The following SESN3 variants were observed in gnomAD, a reference collection of about 807,000 sequenced individuals.
SESN3 encodes sestrin 3, also known as sestrin-3.
Under a neutral mutation model 55.3 loss-of-function variants are expected in SESN3, and 21 were observed. The observed-to-expected ratio is 0.38, with a 90% CI of 0.27 to 0.55. The LOEUF (loss-of-function observed/expected upper bound fraction) is 0.55. Ranked by LOEUF, SESN3 falls within the 20% of genes least tolerant of loss-of-function variation. The pLI is 0.76. For missense variants in SESN3, 408 were observed against 604.3 expected, an observed-to-expected ratio of 0.68 and a Z score of 3.41; for synonymous variants, 181 against 203.1, an observed-to-expected ratio of 0.89 and a Z score of 0.93.
At chr11:95,189,578 A>G (rs915866668) in intron 4 of SESN3, among the ~76,000 whole-genome samples, 1 of 151,932 alleles carries the variant, frequency 6.6e-6, no homozygotes, top group Admixed American at 6.6e-5. Flanking sequence ...TCTCATAGCC[A>G]TTCACCAAAC....
chr11:95,226,794 T>G (rs1199873984), intron 1 of SESN3, among the ~76,000 whole-genome samples: 1 of 152,236 alleles, frequency 6.6e-6, no homozygotes, highest in Admixed American at 6.5e-5. Flanking sequence ...TAAAATTATG[T>G]GTACATATTT....
chr11:95,209,267 G>C (rs1005232607), intron 1 of SESN3, among the ~76,000 whole-genome samples: 1 of 151,356 alleles, frequency 6.6e-6, no homozygotes, highest in Non-Finnish European at 1.5e-5. Flanking sequence ...GATATGAACA[G>C]ACACTTCTCA....
chr11:95,224,530 G>A, intron 1 of SESN3: 1 of 404,220 alleles, frequency 2.5e-6, no homozygotes, highest in East Asian at 7.4e-5. Flanking sequence ...TTTCTCTGTT[G>A]GTCAATTGAA....
Position 95,230,735 on chromosome 11 carries a change from C to T in SESN3, c.78+48G>A. On this transcript the variant is annotated intron_variant, in intron 1 of 9. Transcript: ENST00000536441. The surrounding 1 kb of genome is among the most constrained non-coding windows in gnomAD (Gnocchi z 4.6). ...CGGGGACGAGCCGCCCGAGCCCCGG[C>T]CGGCAGGAAGCGACCCTCGCCGGCA... is the stretch of plus-strand genomic sequence containing the variant. 2 of 1,464,532 alleles carry T rather than the reference C, an allele frequency of 1.4e-6. No homozygotes were observed. Among genetic ancestry groups the T allele is most frequent in the South Asian group, 2.3e-5 (2 of 86,466 alleles). The allele number at this position is 1,464,532 out of a possible 1,614,324, so 90.7% of individuals were successfully genotyped here.
chr11:95,209,309 T>C (rs998512770), intron 1 of SESN3, among the ~76,000 whole-genome samples: 2 of 151,030 alleles, frequency 1.3e-5, no homozygotes, highest in African/African-American at 2.4e-5. Flanking sequence ...AACAAACATA[T>C]GAAAAAAAAG....
rs893847237 is a variant in SESN3 at position 95,197,849 on chromosome 11, CT to C, written c.79-4328del. Among the ~76,000 whole-genome samples the C allele has an allele frequency of 2.6e-5, 4 of 152,220 alleles. No homozygotes were observed. The East Asian group carries it at 5.8e-4, about 22-fold the overall frequency. On this transcript the variant is annotated intron_variant, in intron 1 of 9. Coordinates refer to ENST00000536441, the MANE Select transcript of SESN3 (RefSeq NM_144665.4). ...CAACCCATGCAACTGCCTCCTGAATCTTTTTTATCTAGAGAACTCGCTAGCT... is the reference window on the plus strand; with the variant it reads ...CAACCCATGCAACTGCCTCCTGAATCTTTTTATCTAGAGAACTCGCTAGCT...
chr11:95,221,966 G>A (rs1860866468), intron 1 of SESN3, among the ~76,000 whole-genome samples: 1 of 152,196 alleles, frequency 6.6e-6, no homozygotes, highest in African/African-American at 2.4e-5. Context: ...GGGGTTCATA[G>A]CTGGTTTGGG....
intron 9 of SESN3, 97 bp from the exon 10 acceptor site, chr11:95,173,438 T>C: frequency 1.6e-6 from 1 of 613,582 alleles, no homozygotes; most frequent in Non-Finnish European, 3.1e-6. Flanking sequence ...ATATAAGCAA[T>C]ATACACACAC....
In SESN3 at chr11:95,167,520, A is replaced by C. The variant is rs1859773096; in HGVS notation, c.*5735T>G. ...CTGTACTTCATGGTGGTACAGTCAT[A>C]ATTAGGTTAAAGCTAAAATGAACAC... On this transcript the variant is annotated 3_prime_UTR_variant, in exon 10 of 10. Coordinates refer to ENST00000536441, the MANE Select transcript of SESN3 (RefSeq NM_144665.4). The C allele has an allele frequency of 6.6e-6, 1 of 151,804 alleles. No individual in the cohort carries two copies. Among genetic ancestry groups the C allele is most frequent in the South Asian group, 2.1e-4 (1 of 4,836 alleles). The allele number at this position is 151,804 out of a possible 1,614,324, so 9.4% of individuals were successfully genotyped here.
At chr11:95,200,926 T>G (rs1235197291) in intron 1 of SESN3, 1 of 152,110 alleles carries the variant, frequency 6.6e-6, no homozygotes, top group East Asian at 1.9e-4. Flanking sequence ...CTCTCTCTAC[T>G]GAATCATCAG....
Position 95,175,557 on chromosome 11 carries a change from C to G in SESN3, c.1333G>C (p.Glu445Gln), listed in dbSNP as rs1390641197. The G allele has an allele frequency of 1.2e-6, 2 of 1,613,768 alleles. No individual in the cohort carries two copies. The highest frequency in any genetic ancestry group is 2.7e-5 in the African/African-American group (2 of 74,900). ...TCATACATGCGTTTTGTAGTTCTCT[C>G]AGGATAGCAGGTCACTGTCTTAATG... Reference protein sequence around the residue: ...VYIKTVTCYPERTTKRMYDSY... With the variant: ...VYIKTVTCYPQRTTKRMYDSY... Residue 445 changes from glutamate (E) to glutamine (Q), a missense_variant, in exon 9 of 10, where the codon GAG (glutamate) becomes CAG (glutamine). Glu to Gln is a conservative substitution (Grantham distance 29). Coordinates refer to ENST00000536441, the MANE Select transcript of SESN3 (RefSeq NM_144665.4).
intron 8 of SESN3, 148 bp from the exon 9 acceptor site, chr11:95,175,790 T>C: frequency 1.5e-6 from 1 of 665,636 alleles, no homozygotes; most frequent in South Asian, 2.0e-5. Flanking sequence ...GTACCCATTA[T>C]GTGCCATGAG....
In SESN3 at chr11:95,179,775, T is replaced by G. The variant is rs573842630; in HGVS notation, c.938-947A>C. Among the ~76,000 whole-genome samples, 5 of 152,112 alleles carry G rather than the reference T, an allele frequency of 3.3e-5. No homozygotes were observed. In the East Asian group the frequency reaches 9.6e-4, roughly 29 times the overall value. On this transcript the variant is annotated intron_variant, in intron 6 of 9. Transcript: ENST00000536441. Reference sequence around the variant, plus strand: ...AGATATGTGCACTTTTCTATGCATATGAAAACAAAAAGAACACAACATATG... The same window carrying G: ...AGATATGTGCACTTTTCTATGCATAGGAAAACAAAAAGAACACAACATATG...
chr11:95,183,441 CAAGTT>C (rs1371811774), intron 6 of SESN3, among the ~76,000 whole-genome samples: 2 of 152,156 alleles, frequency 1.3e-5, no homozygotes, highest in African/African-American at 4.8e-5. Flanking sequence ...TTAACATTAA[CAAGTT>C]ACGGCTGAAA....
chr11:95,178,237 C>T (rs138928563), intron 7 of SESN3, among the ~76,000 whole-genome samples: 2 of 152,288 alleles, frequency 1.3e-5, no homozygotes, highest in East Asian at 3.9e-4. Context: ...TACCCAGTGA[C>T]ATGGACAGTT....
At chr11:95,216,548 C>T (rs141362097) in intron 1 of SESN3, among the ~76,000 whole-genome samples, 9 of 152,206 alleles carry the variant, frequency 5.9e-5, no homozygotes, top group African/African-American at 1.9e-4. Flanking sequence ...ATTTCTTATT[C>T]AGTGTTTTTA....
At chr11:95,175,944 G>GAA (rs1407686795) in intron 8 of SESN3, among the ~76,000 whole-genome samples, 1 of 152,202 alleles carries the variant, frequency 6.6e-6, no homozygotes, top group East Asian at 1.9e-4. Context: ...CCATGGAGAG[G>GAA]AAATGGAACT....
In SESN3 at chr11:95,231,160, C is replaced by T; in HGVS notation, c.-300G>A. 1 of 418,262 alleles carries T rather than the reference C, an allele frequency of 2.4e-6. No homozygotes were observed. The highest frequency in any genetic ancestry group is 4.2e-6 in the Non-Finnish European group (1 of 239,604). The allele number at this position is 418,262 out of a possible 1,614,324, so 25.9% of individuals were successfully genotyped here. ...CCGCCAGGCTAGGACGAGCAGCCGCCACCGCTGCCACCGCCACCACCGCCG... is the reference window on the plus strand; with the variant it reads ...CCGCCAGGCTAGGACGAGCAGCCGCTACCGCTGCCACCGCCACCACCGCCG... On this transcript the variant is annotated 5_prime_UTR_variant, in exon 1 of 10. Coordinates refer to ENST00000536441, the MANE Select transcript of SESN3 (RefSeq NM_144665.4).
rs759385861 is a variant in SESN3 at position 95,170,302 on chromosome 11, T to C, written c.*2953A>G. The C allele has an allele frequency of 2.6e-5, 4 of 152,122 alleles. No individual in the cohort carries two copies. The highest frequency in any genetic ancestry group is 4.4e-5 in the Non-Finnish European group (3 of 68,012). The allele number at this position is 152,122 out of a possible 1,614,324, so 9.4% of individuals were successfully genotyped here. A position where few individuals can be genotyped will look rare whatever the true frequency, so the allele number is the denominator to read the frequency against. ...TGATCTGAGAAATTATAAATTACCA[T>C]TGAAGCTGGAAATCTTGAAATTCCA... On this transcript the variant is annotated 3_prime_UTR_variant, in exon 10 of 10. Transcript: ENST00000536441.
Sources: gnomAD v4.1 joint callset for allele counts (sites outside exome capture counted in the v4.1 genomes callset) on GRCh38, gnomAD v4.1.1 for gene constraint, Gnocchi (gnomAD v3.1) non-coding constraint, MANE v1.5 for transcripts, NCBI Gene and HGNC (gene_info 2026-07-23, HGNC 2026-07-21) for gene names.